Variants in CCDC192 observed in about 807,000 individuals in gnomAD.
CCDC192 encodes coiled-coil domain containing 192, also known as coiled-coil domain-containing protein 192.
intron 2 of CCDC192, among the ~76,000 whole-genome samples, chr5:127,719,829 AGG>A (rs1554068199): frequency 1.1e-5 from 1 of 94,420 alleles, no homozygotes; most frequent in Non-Finnish European, 2.1e-5. Context: ...GATCAGAGGA[AGG>A]GGCGGGGGAG....
intron 3 of CCDC192, chr5:127,785,719 A>G: frequency 4.9e-6 from 1 of 204,954 alleles, no homozygotes; most frequent in Non-Finnish European, 1.0e-5. Context: ...GATTGAGTGT[A>G]TCTTCTAGTT....
Position 127,771,008 on chromosome 5 carries a change from G to A in CCDC192, c.222+16633G>A, listed in dbSNP as rs182681622. Among the ~76,000 whole-genome samples, 8 of 152,166 alleles carry A rather than the reference G, an allele frequency of 5.3e-5. 1 individual carries two copies. Among genetic ancestry groups the A allele is most frequent in the Admixed American group, 4.6e-4 (7 of 15,292 alleles). ...TTCCTGGCTAGAGGGAATGACTTTT[G>A]AGCACAATATCTAGGTTCTTTCAAT... is the stretch of plus-strand genomic sequence containing the variant. On this transcript the variant is annotated intron_variant, in intron 3 of 6. Coordinates refer to ENST00000514853, the MANE Select transcript of CCDC192 (RefSeq NM_001317938.2).
intron 5 of CCDC192, 146 bp downstream of exon 5, chr5:127,798,308 C>T (rs986404791): frequency 3.9e-5 from 15 of 388,882 alleles, no homozygotes; most frequent in Non-Finnish European, 6.8e-5. Flanking sequence ...ACTGCGTCTA[C>T]ACAGTTTCTT....
chr5:127,738,798 T>TTC (rs1753195901), intron 2 of CCDC192, among the ~76,000 whole-genome samples: 1 of 152,214 alleles, frequency 6.6e-6, no homozygotes, highest in South Asian at 2.1e-4. Flanking sequence ...CTTTAAGCAC[T>TTC]TCTCTGTATT....
chr5:127,752,398 G>C (rs1224932974), intron 2 of CCDC192, among the ~76,000 whole-genome samples: 1 of 152,166 alleles, frequency 6.6e-6, no homozygotes, highest in Non-Finnish European at 1.5e-5. Context: ...TGCCCCTGCT[G>C]GAGGGTGCCT....
chr5:127,706,072 T>C (rs1373104543), intron 1 of CCDC192, among the ~76,000 whole-genome samples: 2 of 152,228 alleles, frequency 1.3e-5, no homozygotes, highest in Non-Finnish European at 2.9e-5. Context: ...ATTAATTTTG[T>C]TCAGTAGTCA....
At chr5:127,934,831 T>C (rs1754143598) in intron 6 of CCDC192, among the ~76,000 whole-genome samples, 1 of 152,194 alleles carries the variant, frequency 6.6e-6, no homozygotes, top group Non-Finnish European at 1.5e-5. Flanking sequence ...AGTCCAAGTA[T>C]GGCAAGAGAT....
intron 1 of CCDC192, among the ~76,000 whole-genome samples, chr5:127,705,917 G>T (rs1403964294): frequency 6.6e-6 from 1 of 152,144 alleles, no homozygotes; most frequent in African/African-American, 2.4e-5. Flanking sequence ...TGATGACCAA[G>T]AGTTTGTTTT....
At chr5:127,831,396 C>CTT (rs1386553145) in intron 5 of CCDC192, among the ~76,000 whole-genome samples, 3 of 151,508 alleles carry the variant, frequency 2.0e-5, no homozygotes, top group Admixed American at 2.0e-4. Flanking sequence ...GTGTGTGCAT[C>CTT]TGTGTGTGTG....
At chr5:127,783,140 C>T (rs888023418) in intron 3 of CCDC192, among the ~76,000 whole-genome samples, 5 of 151,932 alleles carry the variant, frequency 3.3e-5, no homozygotes, top group Non-Finnish European at 5.9e-5. Context: ...GAACTACAGG[C>T]ACGTGCCACC....
chr5:127,780,703 G>A (rs1756163016), intron 3 of CCDC192, among the ~76,000 whole-genome samples: 1 of 151,954 alleles, frequency 6.6e-6, no homozygotes, highest in Non-Finnish European at 1.5e-5. Context: ...GTTTGAGTTT[G>A]TTGTAGATTC....
At chr5:127,708,739 G>A (rs1159748067) in intron 2 of CCDC192, among the ~76,000 whole-genome samples, 2 of 152,144 alleles carry the variant, frequency 1.3e-5, no homozygotes, top group African/African-American at 2.4e-5. Flanking sequence ...ATGTGAAAAT[G>A]GTTAAGTGCC....
At chr5:127,703,875 C>T (rs1209128896) in intron 1 of CCDC192, among the ~76,000 whole-genome samples, 1 of 152,126 alleles carries the variant, frequency 6.6e-6, no homozygotes, top group Non-Finnish European at 1.5e-5. Flanking sequence ...ACTCTCTTGC[C>T]AAGAGATGCA....
At chr5:127,802,617 C>T (rs1378943528) in intron 5 of CCDC192, among the ~76,000 whole-genome samples, 6 of 152,146 alleles carry the variant, frequency 3.9e-5, no homozygotes, top group African/African-American at 1.2e-4. Context: ...TTCTTTGGTG[C>T]GTTCACAGCA....
chr5:127,797,672 C>A (rs1361537978), intron 4 of CCDC192, among the ~76,000 whole-genome samples: 3 of 144,454 alleles, frequency 2.1e-5, no homozygotes, highest in African/African-American at 7.7e-5. Context: ...TGTAAATTTA[C>A]CTCTTGTTCA....
intron 5 of CCDC192, among the ~76,000 whole-genome samples, chr5:127,821,734 A>C (rs1749301625): frequency 2.0e-5 from 3 of 152,190 alleles, no homozygotes; most frequent in Admixed American, 2.0e-4. Flanking sequence ...CCTTAGACCC[A>C]ATGATGTTTG....
chr5:127,928,287 G>T (rs977716757), intron 6 of CCDC192, among the ~76,000 whole-genome samples: 4 of 152,144 alleles, frequency 2.6e-5, no homozygotes, highest in African/African-American at 9.7e-5. Context: ...CTAAAATCAA[G>T]GTGTCAACAG....
intron 3 of CCDC192, among the ~76,000 whole-genome samples, chr5:127,772,307 A>C (rs2126913069): frequency 6.6e-6 from 1 of 152,114 alleles, no homozygotes; most frequent in African/African-American, 2.4e-5. Context: ...CTAAAAATAC[A>C]GCATTAGCCA....
In CCDC192 at chr5:127,931,948, G is replaced by A. The variant is rs190102649; in HGVS notation, c.536-9234G>A. Among the ~76,000 whole-genome samples, 41 of 151,872 alleles carry A rather than the reference G, an allele frequency of 2.7e-4. No individual in the cohort carries two copies. In the East Asian group the frequency reaches 7.3e-3, roughly 27 times the overall value. On this transcript the variant is annotated intron_variant, in intron 6 of 6. Transcript: ENST00000514853. ...AGGTGGATCACGAGGTCAGGAGATC[G>A]AGACCATCCTGGCCAACATGGCGAA...
Sources: allele counts gnomAD v4.1 joint callset (sites outside exome capture counted in the v4.1 genomes callset), GRCh38; gene constraint gnomAD v4.1.1; transcripts MANE v1.5; gene names NCBI Gene and HGNC (gene_info 2026-07-23, HGNC 2026-07-21).